Variants in COQ6 observed in about 807,000 individuals in gnomAD.
The protein encoded by COQ6 is coenzyme Q6, monooxygenase.
Under a neutral mutation model 55.5 loss-of-function variants are expected in COQ6, and 45 were observed. That is an observed-to-expected ratio of 0.81 (90% CI 0.64 to 1.04). COQ6 has a LOEUF of 1.04. Among genes scored for constraint, COQ6 ranks in the 50% least tolerant of loss-of-function variants. The pLI is 0.00. For missense variants in COQ6, 550 were observed against 601.3 expected (o/e 0.91, Z 0.89); for synonymous variants, 206 against 230.5 (o/e 0.89, Z 0.96).
chr14:73,954,298 G>C (rs1295397405), intron 2 of COQ6, among the ~76,000 whole-genome samples: 1 of 152,132 alleles, frequency 6.6e-6, no homozygotes, highest in Non-Finnish European at 1.5e-5. Context: ...GTGCTATGAA[G>C]AGCTAAAAAA....
At chr14:73,955,413 G>A in intron 2 of COQ6, 38 bp from the exon 3 acceptor site, 1 of 1,568,518 alleles carries the variant, frequency 6.4e-7, no homozygotes. Context: ...CCAGGTCCTT[G>A]TGAAGTCACT....
chr14:73,956,724 T>C (rs986392982), intron 4 of COQ6: 18 of 152,208 alleles, frequency 1.2e-4, no homozygotes, highest in Non-Finnish European at 2.1e-4. Context: ...TTTTGAGTTA[T>C]AGGAGTTCTT....
chr14:73,953,654 C>T (rs895659846), intron 2 of COQ6, 85 bp downstream of exon 2: 14 of 1,556,458 alleles, frequency 9.0e-6, no homozygotes, highest in Non-Finnish European at 1.2e-5. Flanking sequence ...GTCATCAGAG[C>T]ATCTGACAAG....
chr14:73,958,531 T>C, intron 5 of COQ6: 29 of 1,328,638 alleles, frequency 2.2e-5, no homozygotes, highest in Non-Finnish European at 2.8e-5. Context: ...CACCAGAGTG[T>C]TGGGAATGGA....
At chr14:73,955,281 A>G (rs1225771286) in intron 2 of COQ6, 170 bp from the exon 3 acceptor site, 3 of 690,410 alleles carry the variant, frequency 4.3e-6, no homozygotes, top group Non-Finnish European at 8.0e-6. Context: ...ATGCTATACA[A>G]CCTGGAACTG....
In COQ6 at chr14:73,950,321, C is replaced by T. The variant is rs753058756; in HGVS notation, c.-12C>T. The T allele has an allele frequency of 4.5e-6, 7 of 1,547,770 alleles. No individual in the cohort carries two copies. The African/African-American group carries it at 8.2e-5, about 18-fold the overall frequency. On this transcript the variant is annotated 5_prime_UTR_variant, in exon 1 of 12. Coordinates refer to ENST00000334571, the MANE Select transcript of COQ6 (RefSeq NM_182476.3). ...TGCGGGAGTTCTGAGTGCGACGGCG[C>T]AGGTCTGCACCATGGCGGCCCGGCT...
chr14:73,955,636 G>C (rs778143191), intron 3 of COQ6, 127 bp downstream of exon 3: 19 of 1,342,654 alleles, frequency 1.4e-5, no homozygotes, highest in Non-Finnish European at 1.1e-6. Flanking sequence ...GTCCGAGGAA[G>C]TGGGGAGAAG....
Position 73,961,521 on chromosome 14 carries a change from C to T in COQ6, c.1161C>T (p.Ser387=). ...TCAACATGGGCTTTGGGGATATCTC[C>T]AGCTTGGCCCATCACCTCAGTACGG... ...QGVNMGFGDI[S]SLAHHLSTAA... is the part of the protein sequence containing the mutation. The change falls in exon 10 of 12, where the codon TCC becomes TCT. Residue 387 remains serine, a synonymous_variant. Coordinates refer to ENST00000334571, the MANE Select transcript of COQ6 (RefSeq NM_182476.3). The T allele has an allele frequency of 6.2e-7, 1 of 1,614,148 alleles. No homozygotes were observed. The highest frequency in any genetic ancestry group is 2.2e-5 in the East Asian group (1 of 44,890).
intron 2 of COQ6, chr14:73,953,830 C>T (rs2056295629): frequency 1.8e-6 from 1 of 553,674 alleles, no homozygotes; most frequent in Non-Finnish European, 3.2e-6. Flanking sequence ...GATGTTGTGT[C>T]ATTATGAATT....
At position 73,955,935 on chromosome 14, in the gene COQ6, C is replaced by T. The variant is rs1594792754; in HGVS notation, c.481+7C>T. ...CAGTTGGAGGCTGTGTCTGGTGAGG[C>T]CCCCATCTTCCACCTTGCATTCATT... is the stretch of plus-strand genomic sequence containing the variant. On this transcript the variant is annotated splice_region_variant and intron_variant, in intron 4 of 11. Coordinates refer to ENST00000334571, the MANE Select transcript of COQ6 (RefSeq NM_182476.3). The T allele has an allele frequency of 1.2e-6, 2 of 1,613,816 alleles. No homozygotes were observed. The highest frequency in any genetic ancestry group is 1.3e-5 in the African/African-American group (1 of 75,020).
intron 8 of COQ6, chr14:73,960,479 T>G: frequency 3.0e-6 from 3 of 992,868 alleles, no homozygotes; most frequent in Non-Finnish European, 3.6e-6. Context: ...GCAACAAGAA[T>G]AAAGGGAACT....
rs1275539202 is a variant in COQ6, at chr14:73,961,853, T to C, written c.1327T>C (p.Leu443=). The C allele has an allele frequency of 1.2e-6, 2 of 1,614,090 alleles. No individual in the cohort carries two copies. The highest frequency in any genetic ancestry group is 1.3e-5 in the African/African-American group (1 of 74,934). Residue 443 remains leucine, a synonymous_variant, in exon 11 of 12, where the codon TTG becomes CTG. Coordinates refer to ENST00000334571, the MANE Select transcript of COQ6 (RefSeq NM_182476.3). ...TTCTACCAGTGCCTCCCCGCTTGTG[T>C]TGCTCAGGACGTGGGGCTTGCAGGC... ...LYSTSASPLV[L]LRTWGLQATN...
intron 8 of COQ6, 25 bp from the exon 9 acceptor site, chr14:73,961,148 T>A: frequency 6.2e-7 from 1 of 1,610,710 alleles, no homozygotes. Flanking sequence ...TTCACCTTGT[T>A]TGTCTTGTGG....
chr14:73,960,383 A>G, intron 8 of COQ6: 1 of 987,576 alleles, frequency 1.0e-6, no homozygotes, highest in South Asian at 4.7e-5. Context: ...GCCTTTGGAT[A>G]ATATGGGTAC....
chr14:73,951,010 T>G (rs1361089867), intron 1 of COQ6, among the ~76,000 whole-genome samples: 1 of 152,254 alleles, frequency 6.6e-6, no homozygotes, highest in Non-Finnish European at 1.5e-5. Context: ...GTTATTTTTA[T>G]TTTTTGAGAC....
intron 4 of COQ6, chr14:73,956,139 A>G: frequency 1.9e-6 from 1 of 532,812 alleles, no homozygotes; most frequent in Non-Finnish European, 3.4e-6. Context: ...CCTGGCTAAC[A>G]TGGTGAAACC....
intron 4 of COQ6, among the ~76,000 whole-genome samples, chr14:73,957,336 C>A (rs576113715): frequency 2.0e-5 from 3 of 152,234 alleles, no homozygotes; most frequent in Non-Finnish European, 4.4e-5. Context: ...CCACCCACCT[C>A]GGCCTCCCAA....
At chr14:73,960,726 G>A in intron 8 of COQ6, 1 of 544,132 alleles carries the variant, frequency 1.8e-6, no homozygotes. Flanking sequence ...AGTATGCATA[G>A]GATGCTGTGG....
chr14:73,960,436 C>G (rs1034508828), intron 8 of COQ6: 1 of 988,614 alleles, frequency 1.0e-6, no homozygotes, highest in African/African-American at 1.7e-5. Context: ...AAGCCTGCTA[C>G]CTTCACACCA....
Sources: allele counts gnomAD v4.1 joint callset (sites outside exome capture counted in the v4.1 genomes callset), GRCh38; gene constraint gnomAD v4.1.1; transcripts MANE v1.5; gene names NCBI Gene and HGNC (gene_info 2026-07-23, HGNC 2026-07-21).